Variants in VPS37B observed in about 807,000 individuals in gnomAD.
The protein encoded by VPS37B is VPS37B subunit of ESCRT-I, also known as vacuolar protein sorting-associated protein 37B.
A neutral mutation model predicts 21.2 loss-of-function variants in VPS37B; 11 were observed. The ratio of observed to expected loss-of-function variants is 0.52; its 90% CI spans 0.33 to 0.86. The LOEUF is 0.86. Ranked by LOEUF, VPS37B falls within the 40% of genes least tolerant of loss-of-function variation. The pLI, the probability that VPS37B is intolerant of heterozygous loss-of-function variation, is 0.03. For missense variants in VPS37B, 389 were observed against 374.8 expected, an observed-to-expected ratio of 1.04 and a Z score of -0.31; for synonymous variants, 175 against 159.6, an observed-to-expected ratio of 1.10 and a Z score of -0.73.
In VPS37B at chr12:122,867,089, G is replaced by A. The variant is rs1185397067; in HGVS notation, c.*27C>T. ...GAGCACAACACGCCAGGTGGAAGAA[G>A]TCTCCCGGGAAGGACCGCGCCGGCG... On this transcript the variant is annotated 3_prime_UTR_variant, in exon 4 of 4. Transcript: ENST00000267202. The surrounding 1 kb of genome is among the most constrained non-coding windows in gnomAD (Gnocchi z 5.5). 6.7e-7 allele frequency: 1 copy of A among 1,496,682 alleles called. No individual in the cohort carries two copies. Among genetic ancestry groups the A allele is most frequent in the African/African-American group, 1.4e-5 (1 of 71,368 alleles). 92.7% of individuals were successfully genotyped at this position (1,496,682 alleles called of 1,614,324 possible). A position where few individuals can be genotyped will look rare whatever the true frequency, so the allele number is the denominator to read the frequency against.
chr12:122,894,249 C>T (rs1268687117), intron 1 of VPS37B, among the ~76,000 whole-genome samples: 1 of 152,170 alleles, frequency 6.6e-6, no homozygotes, highest in African/African-American at 2.4e-5. Context: ...GATTTTATCA[C>T]TTATTATTCT....
chr12:122,889,831 G>A (rs1201492758), intron 1 of VPS37B: 2 of 151,996 alleles, frequency 1.3e-5, no homozygotes, highest in East Asian at 3.8e-4. Context: ...CGCACACCCT[G>A]GCACTCCCCC....
intron 2 of VPS37B, among the ~76,000 whole-genome samples, chr12:122,869,723 G>A (rs963729293): frequency 5.3e-5 from 8 of 152,054 alleles, no homozygotes; most frequent in Non-Finnish European, 1.0e-4. Flanking sequence ...GACTATAGGC[G>A]AGCACCACCA....
At chr12:122,873,698 T>A (rs2034084128) in intron 1 of VPS37B, 1 of 152,212 alleles carries the variant, frequency 6.6e-6, no homozygotes, top group Non-Finnish European at 1.5e-5. Flanking sequence ...TCCCTAACCA[T>A]CCTGCCTACA....
chr12:122,868,688 C>T lies in VPS37B; in HGVS notation c.284-126G>A, dbSNP rs2033958531. ...TGAATGTGAAAGGCTTGAAAACCTA[C>T]AGGGGAACAAGTGCACCAAGCCAGT... On this transcript the variant is annotated intron_variant, in intron 2 of 3. Coordinates refer to ENST00000267202, the MANE Select transcript of VPS37B (RefSeq NM_024667.3). This position sits in a 1 kb window ranked among gnomAD's most constrained non-coding sequence, Gnocchi z 5.5. The T allele has an allele frequency of 2.4e-6, 2 of 827,010 alleles. No individual in the cohort carries two copies. The highest frequency in any genetic ancestry group is 1.9e-6 in the Non-Finnish European group (1 of 515,778). The allele number at this position is 827,010 out of a possible 1,614,324, so 51.2% of individuals were successfully genotyped here. A position where few individuals can be genotyped will look rare whatever the true frequency, so the allele number is the denominator to read the frequency against.
intron 1 of VPS37B, among the ~76,000 whole-genome samples, chr12:122,891,922 T>C (rs960082750): frequency 7.2e-5 from 11 of 152,252 alleles, no homozygotes; most frequent in African/African-American, 9.6e-5. Flanking sequence ...GGCATTTTCA[T>C]GCCATGGGAA....
chr12:122,896,079 T>A lies in VPS37B; in HGVS notation c.-17A>T. ...GCCCGCCATCCCCACGTCTCGGCCGTCGTCGCCACCGCCGCTGCGGCCACC... is the reference window on the plus strand; with the variant it reads ...GCCCGCCATCCCCACGTCTCGGCCGACGTCGCCACCGCCGCTGCGGCCACC... On this transcript the variant is annotated 5_prime_UTR_variant, in exon 1 of 4. Transcript: ENST00000267202. The A allele has an allele frequency of 6.4e-7, 1 of 1,557,854 alleles. No homozygotes were observed. Among genetic ancestry groups the A allele is most frequent in the African/African-American group, 1.4e-5 (1 of 70,332 alleles).
At chr12:122,884,997 C>T (rs999404721) in intron 1 of VPS37B, 2 of 152,110 alleles carry the variant, frequency 1.3e-5, no homozygotes. Context: ...ACACCTGACC[C>T]GGAATTTGGT....
intron 1 of VPS37B, chr12:122,871,395 A>G: frequency 9.6e-7 from 1 of 1,041,704 alleles, no homozygotes; most frequent in Non-Finnish European, 1.2e-6. Context: ...AGAAGTAAAC[A>G]GCTGTAAAGA....
intron 1 of VPS37B, chr12:122,888,530 T>C: frequency 2.2e-6 from 1 of 455,830 alleles, no homozygotes; most frequent in Non-Finnish European, 4.4e-6. Context: ...CTGGCATGAA[T>C]CTCCATAGCA....
intron 1 of VPS37B, among the ~76,000 whole-genome samples, chr12:122,891,230 G>C (rs965043170): frequency 1.3e-5 from 2 of 152,210 alleles, no homozygotes; most frequent in African/African-American, 4.8e-5. Context: ...AGCAAACGCA[G>C]AAGAGCAACT....
intron 1 of VPS37B, chr12:122,876,110 G>T (rs2034143994): frequency 6.6e-6 from 1 of 152,148 alleles, no homozygotes; most frequent in Non-Finnish European, 1.5e-5. Flanking sequence ...TTTGTAGTAG[G>T]ACCTGGCTTG....
rs942181165 is a variant in VPS37B, at chr12:122,867,031, C to A, written c.*85G>T. On this transcript the variant is annotated 3_prime_UTR_variant, in exon 4 of 4. Coordinates refer to ENST00000267202, the MANE Select transcript of VPS37B (RefSeq NM_024667.3). This position sits in a 1 kb window ranked among gnomAD's most constrained non-coding sequence, Gnocchi z 5.5. ...GCCCAGGGCCCCAGAGCCCTTGGCA[C>A]AGAGCGGACCTCCAGCCTCCTTCCC... 4 of 1,426,388 alleles carry A rather than the reference C, an allele frequency of 2.8e-6. No homozygotes were observed. Among genetic ancestry groups the A allele is most frequent in the Non-Finnish European group, 3.7e-6 (4 of 1,088,142 alleles). The allele number at this position is 1,426,388 out of a possible 1,614,324, so 88.4% of individuals were successfully genotyped here. A position where few individuals can be genotyped will look rare whatever the true frequency, so the allele number is the denominator to read the frequency against.
At chr12:122,880,634 C>G (rs886409917) in intron 1 of VPS37B, 2 of 151,630 alleles carry the variant, frequency 1.3e-5, no homozygotes, top group African/African-American at 4.9e-5. Flanking sequence ...AGACCAAGAC[C>G]AGCCTAGGCA....
At chr12:122,885,014 G>A (rs1248535650) in intron 1 of VPS37B, 6 of 152,022 alleles carry the variant, frequency 3.9e-5, no homozygotes, top group Non-Finnish European at 8.8e-5. Flanking sequence ...TGGTTCAACA[G>A]ATAAAATTTA....
chr12:122,866,852 G>A lies in VPS37B; in HGVS notation c.*264C>T, dbSNP rs1056451836. 1.2e-5 allele frequency: 5 copies of A among 402,248 alleles called. No individual in the cohort carries two copies. The highest frequency in any genetic ancestry group is 3.8e-5 in the East Asian group (1 of 26,380). 24.9% of individuals were successfully genotyped at this position (402,248 alleles called of 1,614,324 possible). ...TCTTCCCAAACATGAGTTCATCAAC[G>A]CTAAGATACTTAGAAATCACACGGA... On this transcript the variant is annotated 3_prime_UTR_variant, in exon 4 of 4. Transcript: ENST00000267202.
intron 1 of VPS37B, chr12:122,886,546 C>CTATG (rs1445716081): frequency 6.6e-6 from 1 of 152,186 alleles, no homozygotes; most frequent in African/African-American, 2.4e-5. Context: ...CTGCAGTGAA[C>CTATG]TATGGTCACA....
At chr12:122,895,814 C>A in intron 1 of VPS37B, 138 bp downstream of exon 1, 1 of 715,978 alleles carries the variant, frequency 1.4e-6, no homozygotes, top group Non-Finnish European at 2.3e-6. Flanking sequence ...CGCACCCCGC[C>A]CCAAGCGCCC....
rs553653813 is a variant in VPS37B at position 122,896,100 on chromosome 12, C to T, written c.-38G>A. On this transcript the variant is annotated 5_prime_UTR_variant, in exon 1 of 4. Coordinates refer to ENST00000267202, the MANE Select transcript of VPS37B (RefSeq NM_024667.3). ...GCCGTCGTCGCCACCGCCGCTGCGG[C>T]CACCAGGCTCCGCCGACCGGAAGCG... 2.3e-5 allele frequency: 35 copies of T among 1,515,816 alleles called. No homozygotes were observed. Among genetic ancestry groups the T allele is most frequent in the Admixed American group, 4.2e-5 (2 of 48,138 alleles). 93.9% of individuals were successfully genotyped at this position (1,515,816 alleles called of 1,614,324 possible). A position where few individuals can be genotyped will look rare whatever the true frequency, so the allele number is the denominator to read the frequency against.
Sources: gnomAD v4.1 joint callset for allele counts (sites outside exome capture counted in the v4.1 genomes callset) on GRCh38, gnomAD v4.1.1 for gene constraint, Gnocchi (gnomAD v3.1) non-coding constraint, MANE v1.5 for transcripts, NCBI Gene and HGNC (gene_info 2026-07-23, HGNC 2026-07-21) for gene names.